Variants in SAMD5 observed in about 807,000 individuals in gnomAD.
SAMD5 encodes sterile alpha motif domain-containing protein 5.
A neutral mutation model predicts 11.3 loss-of-function variants in SAMD5; 13 were observed. The ratio of observed to expected loss-of-function variants is 1.15; its 90% confidence interval spans 0.75 to 1.83. SAMD5 has a LOEUF of 1.83. SAMD5 is among the 40% of genes most tolerant of loss of function. The pLI, the probability that SAMD5 is intolerant of heterozygous loss-of-function variation, is 0.00. For synonymous variants in SAMD5, 129 were observed against 111.3 expected (o/e 1.16, Z -1.00); for missense variants, 255 against 239.1 (o/e 1.07, Z -0.44).
chr6:147,856,786 C>A, the SAMD5 span, among the ~76,000 whole-genome samples: 1 of 147,428 alleles, frequency 6.8e-6, no homozygotes, highest in Non-Finnish European at 1.5e-5. Flanking sequence ...TCAAAATCCA[C>A]CCACGTGGCT....
intron 1 of SAMD5, among the ~76,000 whole-genome samples, chr6:147,562,172 C>T (rs778449543): frequency 2.6e-5 from 4 of 152,144 alleles, no homozygotes; most frequent in Non-Finnish European, 5.9e-5. Flanking sequence ...TCTTTACTTG[C>T]TAAATGATAA....
At chr6:147,733,485 T>C (rs777057235) in intron 1 of SAMD5, among the ~76,000 whole-genome samples, 23 of 150,880 alleles carry the variant, frequency 1.5e-4, no homozygotes, top group Non-Finnish European at 2.7e-4. Context: ...GAGACCACCA[T>C]TCTAATTTCA....
chr6:147,754,330 G>A, the SAMD5 span, among the ~76,000 whole-genome samples: 1 of 134,082 alleles, frequency 7.5e-6, no homozygotes, highest in Non-Finnish European at 1.6e-5. Flanking sequence ...TTATGTGCCT[G>A]TTTGCCATTT....
the SAMD5 span, among the ~76,000 whole-genome samples, chr6:147,819,001 C>T: frequency 5.3e-5 from 8 of 152,244 alleles, no homozygotes; most frequent in East Asian, 5.8e-4. Flanking sequence ...AAATATAAAT[C>T]GTTCTACCAT....
At chr6:147,634,930 A>C (rs1562339108) in intron 1 of SAMD5, among the ~76,000 whole-genome samples, 1 of 83,684 alleles carries the variant, frequency 1.2e-5, no homozygotes, top group East Asian at 4.0e-4. Flanking sequence ...ACATGAAGCC[A>C]CTTAGTAGTA....
At chr6:147,708,336 C>T (rs1015952700) in intron 1 of SAMD5, among the ~76,000 whole-genome samples, 6 of 152,174 alleles carry the variant, frequency 3.9e-5, no homozygotes, top group Non-Finnish European at 7.3e-5. Flanking sequence ...CCTCACAACC[C>T]TCAGAAGGGA....
At chr6:147,588,885 G>A (rs546099064) in intron 1 of SAMD5, among the ~76,000 whole-genome samples, 3 of 151,966 alleles carry the variant, frequency 2.0e-5, no homozygotes, top group East Asian at 1.9e-4. Flanking sequence ...CGTGAAATAC[G>A]GTTATGATTT....
chr6:147,704,418 A>T (rs1414444964), intron 1 of SAMD5, among the ~76,000 whole-genome samples: 3 of 152,206 alleles, frequency 2.0e-5, no homozygotes, highest in Non-Finnish European at 2.9e-5. Flanking sequence ...TCTCTAATGA[A>T]AAAATTACAT....
chr6:147,749,608 C>T, the SAMD5 span, among the ~76,000 whole-genome samples: 1 of 152,102 alleles, frequency 6.6e-6, no homozygotes, highest in Non-Finnish European at 1.5e-5. Context: ...GCAGTTTATA[C>T]CAAACCATTT....
chr6:147,616,206 A>ATATATATTTCATATATATTTATTCT (rs1789868554), intron 1 of SAMD5, among the ~76,000 whole-genome samples: 1 of 135,584 alleles, frequency 7.4e-6, no homozygotes, highest in Admixed American at 7.3e-5. Flanking sequence ...ATATTTATTC[A>ATATATATTTCATATATATTTATTCT]TATATACTTC....
chr6:147,910,883 T>C, the SAMD5 span, among the ~76,000 whole-genome samples: 1 of 152,360 alleles, frequency 6.6e-6, no homozygotes, highest in South Asian at 2.1e-4. Flanking sequence ...AACACAGTAG[T>C]GCATACAACT....
chr6:147,926,264 C>G, the SAMD5 span, among the ~76,000 whole-genome samples: 1 of 152,188 alleles, frequency 6.6e-6, no homozygotes, highest in African/African-American at 2.4e-5. Context: ...AATTGTCACA[C>G]TGCTTTCCAC....
chr6:147,825,316 A>C, the SAMD5 span, among the ~76,000 whole-genome samples: 1 of 141,810 alleles, frequency 7.1e-6, no homozygotes, highest in African/African-American at 2.5e-5. Context: ...AAACAAAAAC[A>C]AACAAAAAAC....
chr6:147,915,113 T>A, the SAMD5 span, among the ~76,000 whole-genome samples: 1 of 152,320 alleles, frequency 6.6e-6, no homozygotes, highest in East Asian at 1.9e-4. Context: ...GAAATTGGAA[T>A]ACAGACAGTA....
chr6:147,937,935 C>G, the SAMD5 span, among the ~76,000 whole-genome samples: 22 of 152,152 alleles, frequency 1.4e-4, no homozygotes, highest in African/African-American at 5.3e-4. Context: ...GTACTTCAAG[C>G]TCTTTAAGAC....
the SAMD5 span, among the ~76,000 whole-genome samples, chr6:147,812,675 T>A: frequency 6.6e-6 from 1 of 152,008 alleles, no homozygotes; most frequent in African/African-American, 2.4e-5. Context: ...GAACACATAA[T>A]GGGTTTAAGA....
intron 1 of SAMD5, among the ~76,000 whole-genome samples, chr6:147,555,049 C>G (rs1788833233): frequency 6.6e-6 from 1 of 152,128 alleles, no homozygotes; most frequent in Non-Finnish European, 1.5e-5. Context: ...GATTCTTCAC[C>G]CATATGCACA....
the SAMD5 span, among the ~76,000 whole-genome samples, chr6:147,892,094 A>G: frequency 1.3e-5 from 2 of 152,138 alleles, no homozygotes; most frequent in African/African-American, 4.8e-5. Context: ...GGTTGCAAAT[A>G]CTAGTTCCTG....
At chr6:147,893,609 T>G in the SAMD5 span, among the ~76,000 whole-genome samples, 1 of 152,204 alleles carries the variant, frequency 6.6e-6, no homozygotes, top group African/African-American at 2.4e-5. Flanking sequence ...ATGTGGTAGC[T>G]TCCACCAGGT....
Sources: allele counts gnomAD v4.1 joint callset (sites outside exome capture counted in the v4.1 genomes callset), GRCh38; gene constraint gnomAD v4.1.1; transcripts MANE v1.5; gene names NCBI Gene and HGNC (gene_info 2026-07-23, HGNC 2026-07-21).